PIK3CA: variants seen among roughly 807,000 people sequenced by gnomAD.
PIK3CA encodes phosphatidylinositol 4,5-bisphosphate 3-kinase catalytic subunit alpha isoform.
PIK3CA carries 27 observed loss-of-function variants against 138.2 expected under a neutral mutation model. The ratio of observed to expected loss-of-function variants is 0.20; its 90% CI spans 0.14 to 0.27. The LOEUF (loss-of-function observed/expected upper bound fraction) is 0.27, where lower values mean the gene tolerates loss of function less well. PIK3CA is among the 10% of genes least tolerant of loss of function. The pLI, the probability that PIK3CA is intolerant of heterozygous loss-of-function variation, is 1.00. For missense variants in PIK3CA, 544 were observed against 1,277.4 expected, an observed-to-expected ratio of 0.43 and a Z score of 8.75; for synonymous variants, 358 against 413.2, an observed-to-expected ratio of 0.87 and a Z score of 1.62.
chr3:179,148,266 A>G (rs1307423504), upstream of PIK3CA: 5 of 125,792 alleles, frequency 4.0e-5, no homozygotes, highest in Admixed American at 2.4e-4. Context: ...AAACAAAAGG[A>G]AAAAAAAACA....
At chr3:179,193,894 G>A (rs542801354) in intron 1 of PIK3CA, among the ~76,000 whole-genome samples, 1 of 152,090 alleles carries the variant, frequency 6.6e-6, no homozygotes, top group Non-Finnish European at 1.5e-5. Context: ...TTAATTCTGT[G>A]ACCTCAAACC....
intron 1 of PIK3CA, chr3:179,149,418 A>G (rs192926927): frequency 6.6e-6 from 1 of 152,294 alleles, no homozygotes; most frequent in African/African-American, 2.4e-5. Context: ...AGGATGCTAA[A>G]GGAATAGTGA....
At chr3:179,179,609 A>C (rs1285315636) in intron 1 of PIK3CA, among the ~76,000 whole-genome samples, 2 of 152,226 alleles carry the variant, frequency 1.3e-5, no homozygotes, top group Non-Finnish European at 2.9e-5. Context: ...GTCAAAAGTC[A>C]TCAAACTTAA....
chr3:179,190,303 G>A, intron 1 of PIK3CA, among the ~76,000 whole-genome samples: 1 of 131,896 alleles, frequency 7.6e-6, no homozygotes, highest in African/African-American at 2.6e-5. Flanking sequence ...TATATATATA[G>A]TGCACCCCCC....
rs1276986541 is a variant in PIK3CA at position 179,230,199 on chromosome 3, A to G, written c.2785-26A>G. ...ATTTTGTATCTGCATATATCAAACTATAACATAATTTCTTATTTTTGAAAG... is the reference window on the plus strand; with the variant it reads ...ATTTTGTATCTGCATATATCAAACTGTAACATAATTTCTTATTTTTGAAAG... On this transcript the variant is annotated intron_variant, in intron 19 of 20. Coordinates refer to ENST00000263967, the MANE Select transcript of PIK3CA (RefSeq NM_006218.4). The surrounding 1 kb of genome is among the most constrained non-coding windows in gnomAD (Gnocchi z 5.4). 3.2e-6 allele frequency: 5 copies of G among 1,583,640 alleles called. No homozygotes were observed. The highest frequency in any genetic ancestry group is 2.3e-5 in the South Asian group (2 of 88,878).
Position 179,210,412 on chromosome 3 carries a change from C to A in PIK3CA, c.1405-19C>A, listed in dbSNP as rs200583891. The A allele has an allele frequency of 1.3e-5, 21 of 1,608,650 alleles. No individual in the cohort carries two copies. The African/African-American group carries it at 2.4e-4, about 19-fold the overall frequency. ...CTTCTCTCTTATGTATATATAATAGCTTTTCTTCCATCTCTTAGGAAACTC... is the reference window on the plus strand; with the variant it reads ...CTTCTCTCTTATGTATATATAATAGATTTTCTTCCATCTCTTAGGAAACTC... On this transcript the variant is annotated intron_variant, in intron 8 of 20. Transcript: ENST00000263967.
At chr3:179,189,489 A>C (rs185930901) in intron 1 of PIK3CA, among the ~76,000 whole-genome samples, 1 of 152,290 alleles carries the variant, frequency 6.6e-6, no homozygotes, top group East Asian at 1.9e-4. Context: ...TCTGCTATTC[A>C]AACTGGATTC....
At chr3:179,210,671 A>G (rs573954475) in intron 9 of PIK3CA, 106 bp downstream of exon 9, 5 of 1,081,614 alleles carry the variant, frequency 4.6e-6, no homozygotes, top group Middle Eastern at 2.7e-4. Flanking sequence ...CATAGATACT[A>G]TGAACTCTAG....
chr3:179,170,641 G>A (rs1173363283), intron 1 of PIK3CA, among the ~76,000 whole-genome samples: 1 of 152,104 alleles, frequency 6.6e-6, no homozygotes. Flanking sequence ...TCAAAATACT[G>A]GAGTAACTGT....
chr3:179,213,750 G>GCATTAACTTAGC (rs1724774742), intron 9 of PIK3CA, among the ~76,000 whole-genome samples: 1 of 152,198 alleles, frequency 6.6e-6, no homozygotes, highest in African/African-American at 2.4e-5. Flanking sequence ...TTGAAGCCAG[G>GCATTAACTTAGC]CATTAACTTC....
At chr3:179,185,086 C>G (rs1211739706) in intron 1 of PIK3CA, among the ~76,000 whole-genome samples, 2 of 152,174 alleles carry the variant, frequency 1.3e-5, no homozygotes, top group Non-Finnish European at 2.9e-5. Flanking sequence ...GTTATCCACT[C>G]TCACCCATAG....
chr3:179,185,074 A>G (rs565877647), intron 1 of PIK3CA, among the ~76,000 whole-genome samples: 7 of 152,340 alleles, frequency 4.6e-5, no homozygotes, highest in Non-Finnish European at 1.0e-4. Context: ...GTTTTCCAAG[A>G]AGTTATCCAC....
intron 1 of PIK3CA, among the ~76,000 whole-genome samples, chr3:179,168,820 T>C (rs1723480896): frequency 6.6e-6 from 1 of 152,206 alleles, no homozygotes; most frequent in South Asian, 2.1e-4. Flanking sequence ...TTCCCAAATG[T>C]CTAGCCGTTT....
intron 9 of PIK3CA, among the ~76,000 whole-genome samples, chr3:179,211,106 T>C (rs1338014772): frequency 6.6e-6 from 1 of 152,184 alleles, no homozygotes; most frequent in Non-Finnish European, 1.5e-5. Context: ...CCATAAAATA[T>C]GTATAGATAC....
chr3:179,193,061 G>T (rs978998607), intron 1 of PIK3CA, among the ~76,000 whole-genome samples: 1 of 152,114 alleles, frequency 6.6e-6, no homozygotes, highest in Non-Finnish European at 1.5e-5. Flanking sequence ...TCTTAAAGGC[G>T]TCGTTACTTC....
intron 17 of PIK3CA, among the ~76,000 whole-genome samples, chr3:179,227,938 T>G (rs930943465): frequency 1.3e-5 from 2 of 152,062 alleles, no homozygotes; most frequent in Non-Finnish European, 2.9e-5. Flanking sequence ...GAAACATTTG[T>G]GGGATTATTT....
chr3:179,199,711 T>C lies in PIK3CA; in HGVS notation c.374T>C (p.Val125Ala). The change falls in exon 3 of 21, where the codon GTG becomes GCG. Residue 125 changes from valine to alanine, a missense_variant. Physicochemically the swap from Val to Ala is moderately conservative, Grantham distance 64 (BLOSUM62 0). This residue lies in a region of PIK3CA where 234 missense variants were observed against 401.3 expected (regional missense o/e 0.58). Transcript: ENST00000263967. ...AAAGGTTTTGCTATCGGCATGCCAG[T>C]GTGTGAATTTGATATGGTTAAAGAT... ...REIGFAIGMP[V>A]CEFDMVKDPE... 1.9e-6 allele frequency: 3 copies of C among 1,610,908 alleles called. No homozygotes were observed. The highest frequency in any genetic ancestry group is 2.2e-5 in the South Asian group (2 of 90,938).
intron 1 of PIK3CA, among the ~76,000 whole-genome samples, chr3:179,164,151 A>G (rs1723354695): frequency 6.6e-6 from 1 of 152,144 alleles, no homozygotes; most frequent in African/African-American, 2.4e-5. Flanking sequence ...TATGAGTACA[A>G]GTATACAAAA....
At chr3:179,207,390 A>ATGC (rs1163807614) in intron 6 of PIK3CA, among the ~76,000 whole-genome samples, 1 of 152,190 alleles carries the variant, frequency 6.6e-6, no homozygotes, top group East Asian at 1.9e-4. Flanking sequence ...AAAGAGAAAC[A>ATGC]TGCTTTATTT....
Sources: gnomAD v4.1 joint callset for allele counts (sites outside exome capture counted in the v4.1 genomes callset) on GRCh38, gnomAD v4.1.1 for gene constraint, gnomAD v4.1.1 regional missense constraint, Gnocchi (gnomAD v3.1) non-coding constraint, MANE v1.5 for transcripts, NCBI Gene and HGNC (gene_info 2026-07-23, HGNC 2026-07-21) for gene names.